The following TAF1 variants were observed in gnomAD, a reference collection of about 807,000 sequenced individuals.
TAF1 encodes the protein TATA-box binding protein associated factor 1, also known as transcription initiation factor TFIID subunit 1.
Under a neutral mutation model 138.5 loss-of-function variants are expected in TAF1, and 2 were observed. The ratio of observed to expected loss-of-function variants is 0.01; its 90% confidence interval spans 0.01 to 0.05. The LOEUF is 0.05. Ranked by LOEUF, TAF1 falls within the 10% of genes least tolerant of loss-of-function variation. TAF1 has a pLI of 1.00. For missense variants in TAF1, 709 were observed against 1,478.0 expected, an observed-to-expected ratio of 0.48 and a Z score of 8.53; for synonymous variants, 437 against 503.2, an observed-to-expected ratio of 0.87 and a Z score of 1.76.
At chrX:71,523,379 C>G (rs1250067588) in intron 13 of TAF1, among the ~76,000 whole-genome samples, 1 of 110,585 alleles carries the variant, frequency 9.0e-6, no homozygotes, top group Non-Finnish European at 1.9e-5. Context: ...GTTGTGCTAC[C>G]TATGTCAAAT....
Position 71,387,354 on chromosome X carries a change from A to G in TAF1, c.2320A>G (p.Ile774Val), listed in dbSNP as rs1283051418. ...CATTCGGACAAGACAGGGTTACTAT[A>G]TTCGGGAATTAGTGGATATTTTTGT... ...LIIRTRQGYY[I>V]RELVDIFVVG... The change falls in exon 15 of 38, where the codon ATT becomes GTT. Residue 774 changes from isoleucine (I) to valine (V), a missense_variant. By Grantham distance (29) the Ile-to-Val change is conservative. This residue lies in a region of TAF1 where 201 missense variants were observed against 421.3 expected (regional missense o/e 0.48). Coordinates refer to ENST00000423759, the MANE Select transcript of TAF1 (RefSeq NM_004606.5). 7 of 1,210,435 alleles carry G rather than the reference A, an allele frequency of 5.8e-6. No homozygotes were observed. The highest frequency in any genetic ancestry group is 2.2e-5 in the Admixed American group (1 of 45,786).
At chrX:71,436,589 C>T (rs1364397551) in intron 32 of TAF1, among the ~76,000 whole-genome samples, 1 of 110,649 alleles carries the variant, frequency 9.0e-6, no homozygotes, top group Non-Finnish European at 1.9e-5. Context: ...TCAAATGGTC[C>T]ACCTGCCTCA....
downstream of TAF1, among the ~76,000 whole-genome samples, chrX:71,469,185 G>C (rs1335921558): frequency 9.0e-6 from 1 of 110,921 alleles, no homozygotes; most frequent in Non-Finnish European, 1.9e-5. Context: ...TGTGCTTGTA[G>C]TCCCAGCTAC....
chrX:71,445,911 C>T (rs1203964851), intron 32 of TAF1, among the ~76,000 whole-genome samples: 2 of 107,916 alleles, frequency 1.9e-5, no homozygotes, highest in African/African-American at 6.9e-5. Context: ...GACAGTTGTT[C>T]ACTATTTTTT....
intron 5 of TAF1, 41 bp downstream of exon 5, chrX:71,377,232 C>T: frequency 8.3e-7 from 1 of 1,201,790 alleles, no homozygotes; most frequent in Non-Finnish European, 1.1e-6. Flanking sequence ...AACCACTGAC[C>T]TCTTCCAAAT....
intron 13 of TAF1, among the ~76,000 whole-genome samples, chrX:71,519,113 G>A (rs1346290471): frequency 9.2e-6 from 1 of 108,880 alleles, no homozygotes; most frequent in South Asian, 4.0e-4. Flanking sequence ...ACGAGGTCAG[G>A]AGATCGAGAC....
intron 28 of TAF1, 107 bp from the exon 29 acceptor site, chrX:71,421,202 C>G (rs1474704039): frequency 1.5e-6 from 1 of 668,620 alleles, no homozygotes; most frequent in Non-Finnish European, 2.4e-6. Context: ...TAGCCTGGTG[C>G]CTGACACATT....
chrX:71,435,099 G>C (rs962872523), intron 32 of TAF1, among the ~76,000 whole-genome samples: 1 of 112,137 alleles, frequency 8.9e-6, no homozygotes, highest in South Asian at 3.7e-4. Flanking sequence ...TTCTCCTCTA[G>C]TGCTCTTAAA....
At chrX:71,467,657 TC>T (rs1453539738), downstream of TAF1, among the ~76,000 whole-genome samples, 1 of 111,849 alleles carries the variant, frequency 8.9e-6, no homozygotes, top group Admixed American at 9.6e-5. Context: ...TTCACATGTT[TC>T]AATCTAGTTT....
At chrX:71,444,164 C>CAAA (rs1176010915) in intron 32 of TAF1, among the ~76,000 whole-genome samples, 1 of 110,460 alleles carries the variant, frequency 9.1e-6, no homozygotes, top group Non-Finnish European at 1.9e-5. Context: ...CCTGCTATTA[C>CAAA]GCCTGGCTAA....
rs1569313870 is a variant in TAF1 at position 71,408,165 on chromosome X, G to A, written c.4384+14G>A. 3 of 1,208,711 alleles carry A rather than the reference G, an allele frequency of 2.5e-6. No individual in the cohort carries two copies. Among genetic ancestry groups the A allele is most frequent in the South Asian group, 3.6e-5 (2 of 56,282 alleles). On this transcript the variant is annotated intron_variant, in intron 28 of 37. Transcript: ENST00000423759. ...CAACCTACAATGGTAAGAATCAAATGTTCCGTGATTGCAAAGGTCACTGTT... is the reference window on the plus strand; with the variant it reads ...CAACCTACAATGGTAAGAATCAAATATTCCGTGATTGCAAAGGTCACTGTT...
At chrX:71,468,082 A>G (rs1011172237), downstream of TAF1, among the ~76,000 whole-genome samples, 2 of 107,366 alleles carry the variant, frequency 1.9e-5, no homozygotes, top group Non-Finnish European at 3.9e-5. Context: ...CATGGTGAAA[A>G]CCCATCTTTA....
chrX:71,525,002 A>G (rs1402809755), intron 13 of TAF1, among the ~76,000 whole-genome samples: 2 of 110,223 alleles, frequency 1.8e-5, no homozygotes, highest in Admixed American at 9.7e-5. Context: ...TGACAAAGCC[A>G]TTAAGTTTGA....
At chrX:71,369,533 CTAATT>C (rs2032860544) in intron 3 of TAF1, among the ~76,000 whole-genome samples, 1 of 110,823 alleles carries the variant, frequency 9.0e-6, no homozygotes, top group African/African-American at 3.3e-5. Context: ...AGTAGACTGA[CTAATT>C]TAGCTCAGTT....
chrX:71,393,141 TTC>T lies in TAF1; in HGVS notation c.3051+149_3051+150del, dbSNP rs753172417. The T allele has an allele frequency of 3.6e-5, 38 of 1,059,961 alleles. No homozygotes were observed. In the South Asian group the frequency reaches 6.4e-4, roughly 18 times the overall value. 87.4% of individuals were successfully genotyped at this position (1,059,961 alleles called of 1,213,427 possible). On this transcript the variant is annotated intron_variant, in intron 20 of 37. Coordinates refer to ENST00000423759, the MANE Select transcript of TAF1 (RefSeq NM_004606.5). ...TTAGATATTGTTTTAGGAGTTATCT[TTC>T]TATGTAATCTGCTTTGGGGTGATTT...
chrX:71,390,867 C>T (rs916976283), intron 18 of TAF1, among the ~76,000 whole-genome samples: 2 of 110,448 alleles, frequency 1.8e-5, no homozygotes, highest in African/African-American at 6.6e-5. Flanking sequence ...TGGTGGCGTG[C>T]GCCTGTAATC....
chrX:71,405,571 G>A (rs1307917984), intron 25 of TAF1, among the ~76,000 whole-genome samples: 1 of 111,882 alleles, frequency 8.9e-6, no homozygotes, highest in African/African-American at 3.2e-5. Context: ...GGCTGGTCTC[G>A]AACTTCTGAG....
At chrX:71,417,902 C>T (rs891322565) in intron 28 of TAF1, among the ~76,000 whole-genome samples, 16 of 111,391 alleles carry the variant, frequency 1.4e-4, no homozygotes, top group African/African-American at 5.2e-4. Context: ...TTGTTAGACA[C>T]ATACAGAAAT....
At chrX:71,488,432 A>G (rs780076270) in intron 13 of TAF1, among the ~76,000 whole-genome samples, 1 of 107,289 alleles carries the variant, frequency 9.3e-6, no homozygotes, top group East Asian at 3.0e-4. Context: ...TTTAGTAGAG[A>G]TGGGGTTTCA....
Sources: gnomAD v4.1 joint callset for allele counts (sites outside exome capture counted in the v4.1 genomes callset) on GRCh38, gnomAD v4.1.1 for gene constraint, gnomAD v4.1.1 regional missense constraint, MANE v1.5 for transcripts, NCBI Gene and HGNC (gene_info 2026-07-23, HGNC 2026-07-21) for gene names.